Variants in DPY19L3 observed in about 807,000 individuals in gnomAD.
The protein encoded by DPY19L3 is dpy-19 like C-mannosyltransferase 3.
A neutral mutation model predicts 92.3 loss-of-function variants in DPY19L3; 51 were observed. The ratio of observed to expected loss-of-function variants is 0.55; its 90% CI spans 0.44 to 0.70. The LOEUF (loss-of-function observed/expected upper bound fraction) is 0.70. DPY19L3 is among the 30% of genes least tolerant of loss of function. The pLI is 0.00. For synonymous variants in DPY19L3, 309 were observed against 315.2 expected, an observed-to-expected ratio of 0.98 and a Z score of 0.21; for missense variants, 706 against 855.9, an observed-to-expected ratio of 0.82 and a Z score of 2.18.
intron 3 of DPY19L3, among the ~76,000 whole-genome samples, chr19:32,422,629 A>ACACACACACACAC (rs140226412): frequency 2.0e-5 from 3 of 146,722 alleles, no homozygotes; most frequent in African/African-American, 5.1e-5. Flanking sequence ...AATCAGGAAA[A>ACACACACACACAC]ACACACACAC....
At chr19:32,414,631 G>A (rs1215840032) in intron 3 of DPY19L3, among the ~76,000 whole-genome samples, 1 of 151,488 alleles carries the variant, frequency 6.6e-6, no homozygotes, top group African/African-American at 2.4e-5. Flanking sequence ...CGATTCCCTA[G>A]AATTAAACCA....
At chr19:32,447,064 G>C (rs1969523546) in intron 8 of DPY19L3, among the ~76,000 whole-genome samples, 1 of 152,142 alleles carries the variant, frequency 6.6e-6, no homozygotes, top group African/African-American at 2.4e-5. Context: ...AACAGGAAAT[G>C]TTTCAATACT....
At chr19:32,468,039 T>A (rs1970248656) in intron 15 of DPY19L3, 1 of 985,192 alleles carries the variant, frequency 1.0e-6, no homozygotes, top group African/African-American at 1.7e-5. Context: ...GTCAAACCAT[T>A]TGACCAGATT....
intron 16 of DPY19L3, chr19:32,469,050 C>G: frequency 7.3e-6 from 2 of 274,868 alleles, no homozygotes; most frequent in Non-Finnish European, 1.3e-5. Context: ...AGAGGAAAAC[C>G]GATTCAATAA....
At chr19:32,461,892 T>C (rs1006478129) in intron 12 of DPY19L3, among the ~76,000 whole-genome samples, 1 of 152,170 alleles carries the variant, frequency 6.6e-6, no homozygotes, top group African/African-American at 2.4e-5. Context: ...AGCCAGGCAG[T>C]GTGTGCTTCC....
In DPY19L3 at chr19:32,458,119, C is replaced by T; in HGVS notation, c.1109C>T (p.Ser370Leu). The change falls in exon 11 of 19, where the codon TCA (serine) becomes TTA (leucine). Residue 370 changes from serine (S) to leucine (L), a missense_variant. By Grantham distance (145) the Ser-to-Leu change is moderately radical. Coordinates refer to ENST00000392250, the MANE Select transcript of DPY19L3 (RefSeq NM_001172774.2). Reference sequence around the variant, plus strand: ...CGATAGAAAATTCTTAACCTGAAGTCAGATGAACACATATTTAAATTTCTG... The same window carrying T: ...CGATAGAAAATTCTTAACCTGAAGTTAGATGAACACATATTTAAATTTCTG... ...NIIKKILNLK[S>L]DEHIFKFLKA... 6.2e-7 allele frequency: 1 copy of T among 1,613,500 alleles called. No homozygotes were observed. The highest frequency in any genetic ancestry group is 8.5e-7 in the Non-Finnish European group (1 of 1,179,832).
chr19:32,443,525 T>C (rs1364729830), intron 8 of DPY19L3, among the ~76,000 whole-genome samples: 1 of 152,170 alleles, frequency 6.6e-6, no homozygotes, highest in African/African-American at 2.4e-5. Context: ...GAAAGTGCCA[T>C]CAGTGAACCA....
intron 10 of DPY19L3, among the ~76,000 whole-genome samples, chr19:32,456,089 T>TC: frequency 9.0e-6 from 1 of 110,518 alleles, no homozygotes; most frequent in East Asian, 2.9e-4. Flanking sequence ...CTTTTTTTTT[T>TC]TTTTTTTTTT....
intron 1 of DPY19L3, among the ~76,000 whole-genome samples, chr19:32,406,645 G>A (rs1445190742): frequency 6.6e-6 from 1 of 152,194 alleles, no homozygotes; most frequent in African/African-American, 2.4e-5. Flanking sequence ...GCCTCGCCCG[G>A]CTAGCGCTAG....
At chr19:32,439,078 A>G (rs200630385) in intron 6 of DPY19L3, 34 bp from the exon 7 acceptor site, 63 of 1,578,116 alleles carry the variant, frequency 4.0e-5, no homozygotes, top group Non-Finnish European at 4.5e-5. Context: ...TGTAAAAACT[A>G]TCACTTTGGC....
chr19:32,474,145 T>C (rs1252171432), intron 16 of DPY19L3, among the ~76,000 whole-genome samples: 1 of 152,244 alleles, frequency 6.6e-6, no homozygotes, highest in Non-Finnish European at 1.5e-5. Context: ...TGAGGATATA[T>C]GTATTTTACT....
chr19:32,449,570 T>C lies in DPY19L3; in HGVS notation c.856-3575T>C, dbSNP rs143976902. 3.7e-3 allele frequency among the ~76,000 whole-genome samples: 556 copies of C among 152,096 alleles called. 10 individuals carry two copies. Among genetic ancestry groups the C allele is most frequent in the East Asian group, 0.02 (105 of 5,168 alleles). ...GGACAGTGTGATACTAGCAGAAGAA[T>C]TGACATAAACCCATGGAATAGAATT... On this transcript the variant is annotated intron_variant, in intron 8 of 18. Coordinates refer to ENST00000392250, the MANE Select transcript of DPY19L3 (RefSeq NM_001172774.2).
chr19:32,449,158 T>C (rs1969614459), intron 8 of DPY19L3, among the ~76,000 whole-genome samples: 1 of 152,144 alleles, frequency 6.6e-6, no homozygotes, highest in Non-Finnish European at 1.5e-5. Context: ...GAACAAAGGA[T>C]ACAAACACTT....
rs1383907705 is a variant in DPY19L3, at chr19:32,483,307, A to G, written c.*1067A>G. 11 of 152,742 alleles carry G rather than the reference A, an allele frequency of 7.2e-5. No homozygotes were observed. In the East Asian group the frequency reaches 2.1e-3, roughly 29 times the overall value. 9.5% of individuals were successfully genotyped at this position (152,742 alleles called of 1,614,324 possible). A position where few individuals can be genotyped will look rare whatever the true frequency, so the allele number is the denominator to read the frequency against. ...GGTAGTGTAATTCTTTTCCTTATTA[A>G]AAGGTAACCAAGTGCCTCTAAGTCA... On this transcript the variant is annotated 3_prime_UTR_variant, in exon 19 of 19. Coordinates refer to ENST00000392250, the MANE Select transcript of DPY19L3 (RefSeq NM_001172774.2).
rs1277066304 is a variant in DPY19L3 at position 32,454,862 on chromosome 19, TTAAG to T, written c.988-72_988-69del. 9 of 963,342 alleles carry T rather than the reference TTAAG, an allele frequency of 9.3e-6. 1 individual carries two copies. Among genetic ancestry groups the T allele is most frequent in the South Asian group, 9.3e-5 (6 of 64,520 alleles). 59.7% of individuals were successfully genotyped at this position (963,342 alleles called of 1,614,324 possible). ...TATATGAGCCAGTGTTTTTAAATCC[TTAAG>T]TAAGCTCATCTTCAGTGTTTATGAA... On this transcript the variant is annotated intron_variant, in intron 9 of 18. Coordinates refer to ENST00000392250, the MANE Select transcript of DPY19L3 (RefSeq NM_001172774.2).
At chr19:32,419,354 A>G (rs989182550) in intron 3 of DPY19L3, among the ~76,000 whole-genome samples, 1 of 151,722 alleles carries the variant, frequency 6.6e-6, no homozygotes, top group Non-Finnish European at 1.5e-5. Context: ...GTAGAGACGG[A>G]GTTTCACAGT....
At chr19:32,435,519 A>G (rs1186386556) in intron 4 of DPY19L3, among the ~76,000 whole-genome samples, 7 of 152,094 alleles carry the variant, frequency 4.6e-5, no homozygotes, top group African/African-American at 1.7e-4. Context: ...TTCATATGTG[A>G]TTTTGCTGGA....
intron 10 of DPY19L3, among the ~76,000 whole-genome samples, chr19:32,456,835 C>T (rs1969881600): frequency 6.7e-6 from 1 of 150,212 alleles, no homozygotes; most frequent in African/African-American, 2.4e-5. Context: ...TAAATATATA[C>T]ACCTATATGC....
At chr19:32,446,566 A>G (rs1007520925) in intron 8 of DPY19L3, among the ~76,000 whole-genome samples, 1 of 152,226 alleles carries the variant, frequency 6.6e-6, no homozygotes, top group Non-Finnish European at 1.5e-5. Flanking sequence ...AGGAGTAGCT[A>G]TGTTAATATC....
Sources: allele counts gnomAD v4.1 joint callset (sites outside exome capture counted in the v4.1 genomes callset), GRCh38; gene constraint gnomAD v4.1.1; transcripts MANE v1.5; gene names NCBI Gene and HGNC (gene_info 2026-07-23, HGNC 2026-07-21).